Variants in SORCS2 observed in about 807,000 individuals in gnomAD.
SORCS2 encodes the protein VPS10 domain-containing receptor SorCS2.
A neutral mutation model predicts 141.6 loss-of-function variants in SORCS2; 100 were observed. That is an observed-to-expected ratio of 0.71 (90% CI 0.60 to 0.83). The LOEUF (loss-of-function observed/expected upper bound fraction) is 0.83, where lower values mean the gene tolerates loss of function less well. SORCS2 is among the 40% of genes least tolerant of loss of function. The pLI, the probability that SORCS2 is intolerant of heterozygous loss-of-function variation, is 0.00. For synonymous variants in SORCS2, 789 were observed against 676.9 expected, an observed-to-expected ratio of 1.17 and a Z score of -2.57; for missense variants, 1,646 against 1,560.2, an observed-to-expected ratio of 1.05 and a Z score of -0.93.
chr4:7,726,658 C>T (rs1727238840), intron 20 of SORCS2, 122 bp from the exon 21 acceptor site: 3 of 1,313,468 alleles, frequency 2.3e-6, no homozygotes, highest in Non-Finnish European at 3.1e-6. Flanking sequence ...CATAATGGGC[C>T]CATTTGCTGA....
chr4:7,551,216 T>A (rs1713675783), intron 3 of SORCS2, among the ~76,000 whole-genome samples: 1 of 152,214 alleles, frequency 6.6e-6, no homozygotes, highest in Non-Finnish European at 1.5e-5. Context: ...CAGCGGAGCC[T>A]CCTCCCCATC....
At chr4:7,394,375 T>C (rs891704551) in intron 1 of SORCS2, among the ~76,000 whole-genome samples, 5 of 122,752 alleles carry the variant, frequency 4.1e-5, no homozygotes, top group Admixed American at 8.2e-5. Context: ...CTGTGAGCTG[T>C]GTGGGGTTGC....
intron 1 of SORCS2, among the ~76,000 whole-genome samples, chr4:7,389,983 T>C (rs1723752060): frequency 6.6e-6 from 1 of 152,120 alleles, no homozygotes; most frequent in Admixed American, 6.5e-5. Context: ...GAAATGAAGC[T>C]TCTGCAGGCC....
intron 1 of SORCS2, among the ~76,000 whole-genome samples, chr4:7,322,971 C>A (rs1371752212): frequency 2.0e-5 from 3 of 151,692 alleles, no homozygotes; most frequent in Non-Finnish European, 4.4e-5. Context: ...CGGCCCTGCC[C>A]GTTTTTTATC....
chr4:7,326,804 C>G (rs1719293713), intron 1 of SORCS2, among the ~76,000 whole-genome samples: 1 of 150,280 alleles, frequency 6.7e-6, no homozygotes, highest in Non-Finnish European at 1.5e-5. Context: ...GGCCCAGTGT[C>G]CGGGGCAGGA....
chr4:7,483,683 A>T (rs1348398250), intron 2 of SORCS2, among the ~76,000 whole-genome samples: 1 of 148,234 alleles, frequency 6.7e-6, no homozygotes, highest in African/African-American at 2.5e-5. Context: ...ACGTCCTGGG[A>T]GGGAGTATTC....
chr4:7,599,214 A>G (rs1717489760), intron 3 of SORCS2, among the ~76,000 whole-genome samples: 1 of 152,014 alleles, frequency 6.6e-6, no homozygotes, highest in Admixed American at 6.5e-5. Flanking sequence ...GAGTGAAGTC[A>G]GCCTGACCCC....
At chr4:7,359,210 T>C (rs3896851) in intron 1 of SORCS2, among the ~76,000 whole-genome samples, 78,529 of 152,072 alleles carry the variant, frequency 0.52, 21,483 homozygotes, top group East Asian at 0.94. Flanking sequence ...GCAGGAGAAT[T>C]GCTTGAACCC....
At position 7,693,688 on chromosome 4, in the gene SORCS2, C is replaced by T. The variant is rs1355060935; in HGVS notation, c.1592-3510C>T. 2.0e-5 allele frequency among the ~76,000 whole-genome samples: 3 copies of T among 152,204 alleles called. No homozygotes were observed. In the East Asian group the frequency reaches 5.8e-4, roughly 29 times the overall value. ...TTAGCCAAGAAAAGCTTGAGGGGGC[C>T]GTTTGGGAGCTGGGAGCACCACAGC... On this transcript the variant is annotated intron_variant, in intron 11 of 26. Transcript: ENST00000507866.
chr4:7,510,194 T>C (rs1020193608), intron 2 of SORCS2, among the ~76,000 whole-genome samples: 5 of 152,220 alleles, frequency 3.3e-5, no homozygotes, highest in African/African-American at 1.2e-4. Context: ...CCGATGTGGA[T>C]GCAAACGCCT....
intron 2 of SORCS2, among the ~76,000 whole-genome samples, chr4:7,419,567 C>G (rs1276221115): frequency 6.6e-6 from 1 of 152,186 alleles, no homozygotes; most frequent in African/African-American, 2.4e-5. Flanking sequence ...AATAAAGAGC[C>G]CATAATCTCT....
chr4:7,238,292 G>GT (rs202243738), intron 1 of SORCS2, among the ~76,000 whole-genome samples: 2 of 151,922 alleles, frequency 1.3e-5, no homozygotes, highest in Non-Finnish European at 2.9e-5. Flanking sequence ...AGGGAGTCTG[G>GT]GGGGGGTTGC....
At chr4:7,635,453 C>T (rs1720180937) in intron 3 of SORCS2, among the ~76,000 whole-genome samples, 1 of 152,174 alleles carries the variant, frequency 6.6e-6, no homozygotes, top group African/African-American at 2.4e-5. Context: ...CTCTTACGTC[C>T]CGCCAAGCTG....
At chr4:7,537,184 A>T (rs2109567763) in intron 3 of SORCS2, among the ~76,000 whole-genome samples, 1 of 152,158 alleles carries the variant, frequency 6.6e-6, no homozygotes, top group South Asian at 2.1e-4. Context: ...GAGCTGTGTA[A>T]CTCTGGGCAG....
At chr4:7,698,308 C>T (rs756542764) in intron 12 of SORCS2, among the ~76,000 whole-genome samples, 10 of 152,242 alleles carry the variant, frequency 6.6e-5, no homozygotes, top group South Asian at 2.1e-4. Flanking sequence ...ACCCCAGCCA[C>T]GGCCCCCCTC....
At chr4:7,557,599 C>G (rs187403110) in intron 3 of SORCS2, among the ~76,000 whole-genome samples, 1 of 152,320 alleles carries the variant, frequency 6.6e-6, no homozygotes, top group Non-Finnish European at 1.5e-5. Context: ...TAGTGATCAT[C>G]ACTGATTCAT....
intron 2 of SORCS2, among the ~76,000 whole-genome samples, chr4:7,417,201 C>T (rs149729090): frequency 2.5e-4 from 38 of 152,224 alleles, no homozygotes; most frequent in African/African-American, 8.9e-4. Flanking sequence ...GGGATTATGC[C>T]GGCGGCCGAG....
intron 1 of SORCS2, among the ~76,000 whole-genome samples, chr4:7,390,662 A>G (rs1222252717): frequency 6.6e-6 from 1 of 152,206 alleles, no homozygotes; most frequent in Admixed American, 6.5e-5. Flanking sequence ...AGGGTCTCAG[A>G]GGAGGCACCG....
At chr4:7,398,568 GT>G (rs1436891791) in intron 2 of SORCS2, among the ~76,000 whole-genome samples, 5 of 152,166 alleles carry the variant, frequency 3.3e-5, no homozygotes, top group Middle Eastern at 3.2e-3. Flanking sequence ...TCTCACCAAA[GT>G]TCACCCACAT....
Sources: allele counts gnomAD v4.1 joint callset (sites outside exome capture counted in the v4.1 genomes callset), GRCh38; gene constraint gnomAD v4.1.1; transcripts MANE v1.5; gene names NCBI Gene and HGNC (gene_info 2026-07-23, HGNC 2026-07-21).